The following MYH7B variants were observed in gnomAD, a reference collection of about 807,000 sequenced individuals.
The protein encoded by MYH7B is myosin heavy chain 7B.
MYH7B carries 205 observed loss-of-function variants against 234.5 expected under a neutral mutation model. The observed-to-expected ratio is 0.87, with a 90% CI of 0.78 to 0.98. The LOEUF is 0.98. Ranked by LOEUF, MYH7B falls within the 50% of genes least tolerant of loss-of-function variation. The pLI is 0.00. For synonymous variants in MYH7B, 1,193 were observed against 1,105.0 expected, an observed-to-expected ratio of 1.08 and a Z score of -1.58; for missense variants, 2,652 against 2,633.4, an observed-to-expected ratio of 1.01 and a Z score of -0.15.
intron 43 of MYH7B, chr20:35,001,736 G>A: frequency 1.1e-6 from 1 of 882,684 alleles, no homozygotes; most frequent in Non-Finnish European, 1.7e-6. Context: ...GGCTGGGGCT[G>A]CCTCTGAGGG....
In MYH7B at chr20:34,998,499, C is replaced by T. The variant is rs771603107; in HGVS notation, c.3875-12C>T. 5 of 1,613,420 alleles carry T rather than the reference C, an allele frequency of 3.1e-6. No homozygotes were observed. The Admixed American group carries it at 5.0e-5, about 16-fold the overall frequency. On this transcript the variant is annotated splice_polypyrimidine_tract_variant and intron_variant, in intron 33 of 44. Transcript: ENST00000262873. Reference sequence around the variant, plus strand: ...ACCAGCCTGACCTGTCCGCTCGCCTCTTTGCCTGCAGGGGAGCTGAGTCGC... The same window carrying T: ...ACCAGCCTGACCTGTCCGCTCGCCTTTTTGCCTGCAGGGGAGCTGAGTCGC...
chr20:34,969,054 C>T (rs114406087), intron 2 of MYH7B, among the ~76,000 whole-genome samples: 134 of 152,260 alleles, frequency 8.8e-4, no homozygotes, highest in South Asian at 2.9e-3. Flanking sequence ...TGCTGCTTGG[C>T]CTGGAAGCTG....
chr20:34,999,761 C>A (rs759077013), intron 37 of MYH7B, 30 bp from the exon 38 acceptor site: 47 of 1,015,730 alleles, frequency 4.6e-5, no homozygotes, highest in East Asian at 2.0e-4. Context: ...CCCCCCCCCC[C>A]ACCCTACCCT....
intron 2 of MYH7B, among the ~76,000 whole-genome samples, chr20:34,974,486 C>G (rs2081827459): frequency 2.0e-5 from 3 of 152,008 alleles, no homozygotes; most frequent in African/African-American, 7.3e-5. Context: ...GAAGATGCAC[C>G]CTGGGTGGTG....
At chr20:34,988,372 G>A (rs1476467456) in intron 19 of MYH7B, 110 bp downstream of exon 19, 8 of 1,232,154 alleles carry the variant, frequency 6.5e-6, no homozygotes, top group East Asian at 5.0e-5. Flanking sequence ...ATGGAAGCGT[G>A]TGACTGTGCG....
At chr20:34,986,947 C>T (rs377709617) in exon 15 of MYH7B, 11 of 1,613,982 alleles carry the variant, frequency 6.8e-6, no homozygotes, top group Middle Eastern at 1.6e-4. Context: ...GCGTCATCAC[C>T]GTGGACAACA....
intron 2 of MYH7B, among the ~76,000 whole-genome samples, chr20:34,960,872 C>T (rs1334723553): frequency 6.6e-6 from 1 of 152,218 alleles, no homozygotes; most frequent in Non-Finnish European, 1.5e-5. Flanking sequence ...CTCATTTACA[C>T]CCCCACAGTC....
At chr20:34,990,184 G>T (rs200021725) in intron 21 of MYH7B, 38 bp downstream of exon 21, 1 of 1,613,998 alleles carries the variant, frequency 6.2e-7, no homozygotes, top group Non-Finnish European at 8.5e-7. Flanking sequence ...TCTGACAGGG[G>T]CCCACAGAGC....
intron 14 of MYH7B, among the ~76,000 whole-genome samples, 162 bp downstream of exon 14, chr20:34,986,360 G>C (rs151303852): frequency 6.6e-6 from 1 of 152,188 alleles, no homozygotes; most frequent in Non-Finnish European, 1.5e-5. Context: ...TCCTGCTAGG[G>C]AACAGTCCTC....
chr20:34,974,298 G>T (rs2081824365), intron 2 of MYH7B, among the ~76,000 whole-genome samples: 1 of 146,930 alleles, frequency 6.8e-6, no homozygotes, highest in Admixed American at 7.0e-5. Flanking sequence ...TCAAACTCAT[G>T]AGCTCAAATG....
chr20:34,980,066 C>T (rs920196473), intron 7 of MYH7B: 2 of 526,164 alleles, frequency 3.8e-6, no homozygotes, highest in African/African-American at 3.8e-5. Context: ...CTAGAACTCA[C>T]CTGCGGACTA....
chr20:34,985,971 C>T, intron 13 of MYH7B, 129 bp from the exon 14 acceptor site: 1 of 740,778 alleles, frequency 1.3e-6, no homozygotes, highest in Non-Finnish European at 2.3e-6. Flanking sequence ...CCTCCCCACA[C>T]AAGCTGGCAG....
exon 15 of MYH7B, chr20:34,986,925 T>A (rs776834042): frequency 6.2e-7 from 1 of 1,613,942 alleles, no homozygotes; most frequent in Non-Finnish European, 8.5e-7. Flanking sequence ...GACTACCACT[T>A]CTGCAGCCAG....
At chr20:34,967,221 T>C (rs1408132392) in intron 2 of MYH7B, among the ~76,000 whole-genome samples, 1 of 151,126 alleles carries the variant, frequency 6.6e-6, no homozygotes, top group Non-Finnish European at 1.5e-5. Context: ...AGAACGAGAC[T>C]CCATCTAAAA....
intron 32 of MYH7B, 93 bp from the exon 33 acceptor site, chr20:34,998,202 T>C (rs2082300061): frequency 2.0e-6 from 3 of 1,469,718 alleles, no homozygotes; most frequent in Non-Finnish European, 2.8e-6. Context: ...CACATCTAGC[T>C]TACCAGTCTC....
intron 30 of MYH7B, 132 bp downstream of exon 30, chr20:34,996,890 C>G (rs1302903743): frequency 7.3e-7 from 1 of 1,371,682 alleles, no homozygotes; most frequent in African/African-American, 1.4e-5. Context: ...CACTGGGGTG[C>G]AGGGGTAGTG....
At chr20:34,993,060 A>AT (rs746045864) in intron 24 of MYH7B, 42 bp from the exon 25 acceptor site, 1 of 1,589,904 alleles carries the variant, frequency 6.3e-7, no homozygotes, top group Admixed American at 1.7e-5. Flanking sequence ...CCTGTGCCCC[A>AT]TACCCAGCCC....
intron 19 of MYH7B, 119 bp downstream of exon 19, chr20:34,988,381 C>T (rs1175499378): frequency 1.7e-5 from 20 of 1,152,696 alleles, no homozygotes; most frequent in East Asian, 2.6e-5. Flanking sequence ...TGTGACTGTG[C>T]GTTGCAGTAA....
intron 24 of MYH7B, among the ~76,000 whole-genome samples, chr20:34,992,460 A>C (rs1238273881): frequency 6.6e-6 from 1 of 151,764 alleles, no homozygotes; most frequent in Non-Finnish European, 1.5e-5. Context: ...CCTTCTACTA[A>C]TATTTTTTGC....
Sources: gnomAD v4.1 joint callset for allele counts (sites outside exome capture counted in the v4.1 genomes callset) on GRCh38, gnomAD v4.1.1 for gene constraint, MANE v1.5 for transcripts, NCBI Gene and HGNC (gene_info 2026-07-23, HGNC 2026-07-21) for gene names.